The following PLXNB2 variants were observed in gnomAD, a reference collection of about 807,000 sequenced individuals.
PLXNB2 encodes the protein plexin B2.
A neutral mutation model predicts 202.6 loss-of-function variants in PLXNB2; 85 were observed. The ratio of observed to expected loss-of-function variants is 0.42; its 90% confidence interval spans 0.35 to 0.50. The LOEUF is 0.50. PLXNB2 is among the 20% of genes least tolerant of loss of function. PLXNB2 has a pLI of 0.02. For missense variants in PLXNB2, 2,063 were observed against 2,586.2 expected, an observed-to-expected ratio of 0.80 and a Z score of 4.39; for synonymous variants, 1,239 against 1,137.6, an observed-to-expected ratio of 1.09 and a Z score of -1.79.
intron 1 of PLXNB2, chr22:50,301,445 CTCA>C (rs1486267935): frequency 3.6e-5 from 35 of 971,346 alleles, no homozygotes; most frequent in Admixed American, 1.2e-4. Flanking sequence ...GAACCACCAA[CTCA>C]TCAGGACAGG....
Position 50,275,537 on chromosome 22 carries a change from G to T in PLXNB2, c.*167C>A. 1 of 662,802 alleles carries T rather than the reference G, an allele frequency of 1.5e-6. No individual in the cohort carries two copies. Among genetic ancestry groups the T allele is most frequent in the Non-Finnish European group, 2.8e-6 (1 of 359,678 alleles). The allele number at this position is 662,802 out of a possible 1,614,324, so 41.1% of individuals were successfully genotyped here. ...TGCCCGGCGGTATTGCTCAGAGGAA[G>T]ATGCTACAGTCTAGACGCTGGGCGG... On this transcript the variant is annotated 3_prime_UTR_variant, in exon 37 of 37. Transcript: ENST00000359337.
rs2065768959 is a variant in PLXNB2, at chr22:50,278,510, C to T, written c.4657G>A (p.Gly1553Arg). Reference protein sequence around the residue: ...NTLMHYNVRDGATLILSKVGV... With the variant: ...NTLMHYNVRDRATLILSKVGV... ...ACCTTGGACAGGATGAGGGTGGCTC[C>T]ATCCCGGACCTGGGGAACACGGCGG... The change falls in exon 30 of 37, where the codon GGA (glycine) becomes AGA (arginine). Residue 1553 changes from glycine to arginine, a missense_variant. Coordinates refer to ENST00000359337, the MANE Select transcript of PLXNB2 (RefSeq NM_012401.4). The T allele has an allele frequency of 6.4e-7, 1 of 1,568,650 alleles. No homozygotes were observed. Among genetic ancestry groups the T allele is most frequent in the East Asian group, 2.4e-5 (1 of 41,972 alleles).
Position 50,288,143 on chromosome 22 carries a change from C to T in PLXNB2, c.1381-106G>A. ...AGCTTGACCCAGCTCTGTCCCGGGG[C>T]CTCGGGAGCCTCAGACACCTCAGGC... On this transcript the variant is annotated intron_variant, in intron 5 of 36. Coordinates refer to ENST00000359337, the MANE Select transcript of PLXNB2 (RefSeq NM_012401.4). The surrounding 1 kb of genome is among the most constrained non-coding windows in gnomAD (Gnocchi z 5.0). The T allele has an allele frequency of 1.2e-6, 1 of 803,082 alleles. No individual in the cohort carries two copies. Among genetic ancestry groups the T allele is most frequent in the Non-Finnish European group, 2.0e-6 (1 of 499,012 alleles). The allele number at this position is 803,082 out of a possible 1,614,324, so 49.7% of individuals were successfully genotyped here. A position where few individuals can be genotyped will look rare whatever the true frequency, so the allele number is the denominator to read the frequency against.
chr22:50,305,455 C>T (rs1402723530), intron 1 of PLXNB2, among the ~76,000 whole-genome samples: 1 of 152,248 alleles, frequency 6.6e-6, no homozygotes, highest in Non-Finnish European at 1.5e-5. Context: ...GGCCACACAG[C>T]ATCGCAGATG....
At chr22:50,298,172 G>A (rs1158160969) in intron 1 of PLXNB2, among the ~76,000 whole-genome samples, 3 of 152,194 alleles carry the variant, frequency 2.0e-5, no homozygotes, top group African/African-American at 4.8e-5. Flanking sequence ...GCAGGGGCGC[G>A]AGCCCAGAAG....
intron 35 of PLXNB2, among the ~76,000 whole-genome samples, chr22:50,276,424 A>ACGGCCGTGGGTGGAGCCACAGGGAC (rs1569154907): frequency 9.9e-5 from 15 of 151,868 alleles, no homozygotes; most frequent in Admixed American, 2.0e-4. Flanking sequence ...CGCTGTGGGC[A>ACGGCCGTGGGTGGAGCCACAGGGAC]GGGCCTGGCT....
chr22:50,281,338 C>T (rs746058470), intron 22 of PLXNB2, 22 bp downstream of exon 22: 31 of 1,610,216 alleles, frequency 1.9e-5, no homozygotes, highest in Non-Finnish European at 2.4e-5. Context: ...AGGGTGTTGG[C>T]ACAGCCGGGG....
At position 50,283,455 on chromosome 22, in the gene PLXNB2, G is replaced by A. The variant is rs774679711; in HGVS notation, c.2571-10C>T. ...GATCACACACACGATCCTGGCGGGC[G>A]ACAGGCAGTGTGGCCCAGGCACTCC... On this transcript the variant is annotated splice_polypyrimidine_tract_variant and intron_variant, in intron 15 of 36. Coordinates refer to ENST00000359337, the MANE Select transcript of PLXNB2 (RefSeq NM_012401.4). 3.0e-5 allele frequency: 48 copies of A among 1,611,414 alleles called. No homozygotes were observed. The highest frequency in any genetic ancestry group is 3.8e-5 in the Non-Finnish European group (45 of 1,179,000).
At position 50,284,269 on chromosome 22, in the gene PLXNB2, C is replaced by T. The variant is rs1418337745; in HGVS notation, c.2182-56G>A. On this transcript the variant is annotated intron_variant, in intron 12 of 36. Transcript: ENST00000359337. This position sits in a 1 kb window ranked among gnomAD's most constrained non-coding sequence, Gnocchi z 8.0. Reference sequence around the variant, plus strand: ...CCTGCCCCCACAGAGGGGCGTGGGGCGGGGGTCACAAGGGCAGCCTCCCTG... The same window carrying T: ...CCTGCCCCCACAGAGGGGCGTGGGGTGGGGGTCACAAGGGCAGCCTCCCTG... 1.0e-5 allele frequency: 16 copies of T among 1,525,782 alleles called. No homozygotes were observed. Among genetic ancestry groups the T allele is most frequent in the Admixed American group, 8.4e-5 (5 of 59,756 alleles). 94.5% of individuals were successfully genotyped at this position (1,525,782 alleles called of 1,614,324 possible).
chr22:50,296,039 T>A (rs561345736), intron 1 of PLXNB2, among the ~76,000 whole-genome samples: 26 of 151,732 alleles, frequency 1.7e-4, no homozygotes, highest in African/African-American at 6.0e-4. Flanking sequence ...GAGGTGGAGG[T>A]TGCAGTGAGC....
At chr22:50,296,853 G>A (rs911360197) in intron 1 of PLXNB2, among the ~76,000 whole-genome samples, 1 of 152,102 alleles carries the variant, frequency 6.6e-6, no homozygotes, top group Non-Finnish European at 1.5e-5. Context: ...GCGGGACCCG[G>A]GGTTGGACAT....
intron 1 of PLXNB2, chr22:50,300,214 A>T: frequency 1.0e-6 from 1 of 953,224 alleles, no homozygotes; most frequent in Non-Finnish European, 1.2e-6. Flanking sequence ...GACCCGAGTA[A>T]CAATGACGGC....
At position 50,289,089 on chromosome 22, in the gene PLXNB2, G is replaced by A. The variant is rs1265146882; in HGVS notation, c.1122C>T (p.Gly374=). ...CGSEHLPYPL[G]SRDGLRGTAV... ...CTGTGCCTCTGAGCCCGTCGCGGCT[G>A]CCCAGCGGGTAGGGCAGGTGCTCCG... The change falls in exon 4 of 37, where the codon GGC becomes GGT. Residue 374 remains glycine (G), a synonymous_variant. Coordinates refer to ENST00000359337, the MANE Select transcript of PLXNB2 (RefSeq NM_012401.4). This position sits in a 1 kb window ranked among gnomAD's most constrained non-coding sequence, Gnocchi z 8.0. 1 of 1,597,634 alleles carries A rather than the reference G, an allele frequency of 6.3e-7. No homozygotes were observed. The highest frequency in any genetic ancestry group is 8.5e-7 in the Non-Finnish European group (1 of 1,172,640).
rs2065533217 is a variant in PLXNB2 at position 50,276,043 on chromosome 22, G to A, written c.5338-80C>T. On this transcript the variant is annotated intron_variant, in intron 35 of 36. Coordinates refer to ENST00000359337, the MANE Select transcript of PLXNB2 (RefSeq NM_012401.4). ...TGGCAGGAGTAGTACGGGACGCCCA[G>A]GACGAGGCCTCCCCGGGGAAGCAGC... 5.9e-6 allele frequency: 8 copies of A among 1,360,734 alleles called. No individual in the cohort carries two copies. The East Asian group carries it at 9.3e-5, about 16-fold the overall frequency. 84.3% of individuals were successfully genotyped at this position (1,360,734 alleles called of 1,614,324 possible). A position where few individuals can be genotyped will look rare whatever the true frequency, so the allele number is the denominator to read the frequency against.
chr22:50,284,874 C>T lies in PLXNB2; in HGVS notation c.2089-209G>A, dbSNP rs770713601. On this transcript the variant is annotated intron_variant, in intron 11 of 36. Transcript: ENST00000359337. This position sits in a 1 kb window ranked among gnomAD's most constrained non-coding sequence, Gnocchi z 8.0. Reference sequence around the variant, plus strand: ...GTCTGCAGAAGCCTCTGAACGTCCTCTGTGGGTTTCCCACGGCCACCTCCA... The same window carrying T: ...GTCTGCAGAAGCCTCTGAACGTCCTTTGTGGGTTTCCCACGGCCACCTCCA... 2.2e-5 allele frequency: 15 copies of T among 685,572 alleles called. No homozygotes were observed. In the South Asian group the frequency reaches 2.2e-4, roughly 10 times the overall value. The allele number at this position is 685,572 out of a possible 1,614,324, so 42.5% of individuals were successfully genotyped here. A position where few individuals can be genotyped will look rare whatever the true frequency, so the allele number is the denominator to read the frequency against.
intron 1 of PLXNB2, among the ~76,000 whole-genome samples, chr22:50,300,752 G>A (rs984870244): frequency 1.3e-5 from 2 of 152,216 alleles, no homozygotes; most frequent in Non-Finnish European, 2.9e-5. Flanking sequence ...CTGGGTCCCA[G>A]CAGGAAAAGT....
intron 26 of PLXNB2, 66 bp downstream of exon 26, chr22:50,279,939 C>A: frequency 7.0e-7 from 1 of 1,436,204 alleles, no homozygotes; most frequent in Non-Finnish European, 9.6e-7. Context: ...GATAGGGGAA[C>A]GCAGGAGGGG....
In PLXNB2 at chr22:50,280,010, G is replaced by A; in HGVS notation, c.4237C>T (p.Leu1413Phe). 6.2e-7 allele frequency: 1 copy of A among 1,605,958 alleles called. No homozygotes were observed. Among genetic ancestry groups the A allele is most frequent in the Non-Finnish European group, 8.5e-7 (1 of 1,176,090 alleles). ...CAGGCTGGGGTGGAACCCACCTTGA[G>A]GTACTGGTACAGGCAGATGGACATC... is the stretch of plus-strand genomic sequence containing the variant. ...NWMSICLYQY[L>F]KDSAGEPLYK... The change falls in exon 26 of 37, where the codon CTC (leucine) becomes TTC (phenylalanine). Residue 1413 changes from leucine (L) to phenylalanine (F), a missense_variant. Coordinates refer to ENST00000359337, the MANE Select transcript of PLXNB2 (RefSeq NM_012401.4).
intron 31 of PLXNB2, 26 bp downstream of exon 31, chr22:50,278,091 C>T: frequency 6.2e-7 from 1 of 1,602,262 alleles, no homozygotes; most frequent in Non-Finnish European, 8.5e-7. Flanking sequence ...CGGCCTGGTG[C>T]CGCCCACACA....
Sources: gnomAD v4.1 joint callset for allele counts (sites outside exome capture counted in the v4.1 genomes callset) on GRCh38, gnomAD v4.1.1 for gene constraint, Gnocchi (gnomAD v3.1) non-coding constraint, MANE v1.5 for transcripts, NCBI Gene and HGNC (gene_info 2026-07-23, HGNC 2026-07-21) for gene names.